NECAB1: variants seen among roughly 807,000 people sequenced by gnomAD.
NECAB1 encodes the protein N-terminal EF-hand calcium binding protein 1.
A neutral mutation model predicts 57.5 loss-of-function variants in NECAB1; 29 were observed. The ratio of observed to expected loss-of-function variants is 0.50; its 90% CI spans 0.38 to 0.69. The LOEUF (loss-of-function observed/expected upper bound fraction) is 0.69. Ranked by LOEUF, NECAB1 falls within the 30% of genes least tolerant of loss-of-function variation. NECAB1 has a pLI of 0.00. For synonymous variants in NECAB1, 142 were observed against 147.7 expected, an observed-to-expected ratio of 0.96 and a Z score of 0.28; for missense variants, 372 against 413.8, an observed-to-expected ratio of 0.90 and a Z score of 0.88.
chr8:90,858,473 AACTTCTTCAGCTAAAC>A (rs1812835824), intron 3 of NECAB1, among the ~76,000 whole-genome samples: 1 of 152,222 alleles, frequency 6.6e-6, no homozygotes, highest in African/African-American at 2.4e-5. Flanking sequence ...AAGGGTTTTG[AACTTCTTCAGCTAAAC>A]ACTTCCTCAT....
At chr8:90,940,102 C>T (rs1169866470) in intron 9 of NECAB1, 3 of 152,340 alleles carry the variant, frequency 2.0e-5, no homozygotes, top group Admixed American at 2.0e-4. Context: ...ACTACAATTG[C>T]TATAATGCTA....
At chr8:90,916,043 T>G (rs542638495) in intron 5 of NECAB1, among the ~76,000 whole-genome samples, 19 of 152,304 alleles carry the variant, frequency 1.2e-4, no homozygotes, top group African/African-American at 4.6e-4. Flanking sequence ...TTAATCTCCT[T>G]TGGCAACACC....
intron 5 of NECAB1, among the ~76,000 whole-genome samples, chr8:90,912,882 A>AT (rs1007877846): frequency 6.6e-5 from 10 of 151,582 alleles, no homozygotes; most frequent in East Asian, 1.9e-4. Flanking sequence ...TTGTAAAGTT[A>AT]TTTTTTTTTC....
intron 4 of NECAB1, among the ~76,000 whole-genome samples, chr8:90,878,618 C>T (rs1356982966): frequency 2.0e-5 from 3 of 152,096 alleles, no homozygotes; most frequent in African/African-American, 7.2e-5. Context: ...TAATTCTCTT[C>T]CTTCTCAGTC....
chr8:90,808,740 G>A (rs1226531268), intron 2 of NECAB1, among the ~76,000 whole-genome samples: 1 of 148,352 alleles, frequency 6.7e-6, no homozygotes, highest in Non-Finnish European at 1.5e-5. Flanking sequence ...CCACCTGCCG[G>A]GTTCAAGCAG....
chr8:90,864,740 T>C (rs1808477019), intron 3 of NECAB1, among the ~76,000 whole-genome samples: 1 of 152,196 alleles, frequency 6.6e-6, no homozygotes. Flanking sequence ...ACTGTTTTAC[T>C]GTAGATGGGA....
At chr8:90,872,002 A>G in intron 3 of NECAB1, 126 bp from the exon 4 acceptor site, 1 of 691,130 alleles carries the variant, frequency 1.4e-6, no homozygotes, top group South Asian at 2.0e-5. Context: ...TATAAGAGAA[A>G]TACCTTAACT....
intron 4 of NECAB1, among the ~76,000 whole-genome samples, chr8:90,876,718 T>C (rs748110263): frequency 1.3e-5 from 2 of 152,182 alleles, no homozygotes; most frequent in Non-Finnish European, 2.9e-5. Flanking sequence ...TCCATGAGAA[T>C]ATAGCCTGCT....
chr8:90,850,253 G>A (rs904586721), intron 3 of NECAB1, among the ~76,000 whole-genome samples: 3 of 152,288 alleles, frequency 2.0e-5, no homozygotes, highest in Admixed American at 1.3e-4. Context: ...TAAATGAAAT[G>A]ATTTAACACG....
At chr8:90,860,890 G>T (rs368025601) in intron 3 of NECAB1, among the ~76,000 whole-genome samples, 149 of 152,254 alleles carry the variant, frequency 9.8e-4, no homozygotes, top group South Asian at 7.1e-3. Flanking sequence ...TTAGGGTATT[G>T]TGAGGGAAGG....
intron 9 of NECAB1, among the ~76,000 whole-genome samples, chr8:90,934,597 A>G (rs529325763): frequency 6.6e-6 from 1 of 152,278 alleles, no homozygotes; most frequent in African/African-American, 2.4e-5. Context: ...ATACATGTAT[A>G]AATCAATGAG....
intron 2 of NECAB1, among the ~76,000 whole-genome samples, chr8:90,820,178 T>C (rs1229793760): frequency 6.6e-6 from 1 of 151,938 alleles, no homozygotes; most frequent in Non-Finnish European, 1.5e-5. Flanking sequence ...AGATTTGGGG[T>C]AGCAGTTTAC....
At chr8:90,859,323 G>A (rs1812852843) in intron 3 of NECAB1, 2 of 152,156 alleles carry the variant, frequency 1.3e-5, no homozygotes, top group Non-Finnish European at 2.9e-5. Context: ...TGTATCGAAA[G>A]CTATCCATTG....
intron 2 of NECAB1, among the ~76,000 whole-genome samples, chr8:90,824,007 AC>A (rs1463400426): frequency 6.9e-6 from 1 of 144,418 alleles, no homozygotes; most frequent in Non-Finnish European, 1.5e-5. Flanking sequence ...TGCTACTAAA[AC>A]CCCTCAGGCC....
At chr8:90,923,294 C>T (rs1810172803) in intron 6 of NECAB1, among the ~76,000 whole-genome samples, 1 of 152,182 alleles carries the variant, frequency 6.6e-6, no homozygotes, top group African/African-American at 2.4e-5. Context: ...ACAATACTAA[C>T]AAAGGAGATA....
At chr8:90,948,290 C>T (rs1262964663) in intron 10 of NECAB1, among the ~76,000 whole-genome samples, 1 of 152,112 alleles carries the variant, frequency 6.6e-6, no homozygotes, top group Non-Finnish European at 1.5e-5. Flanking sequence ...TTCCACCTTC[C>T]ATTTAATTCT....
intron 6 of NECAB1, among the ~76,000 whole-genome samples, chr8:90,920,919 G>A (rs1402869854): frequency 6.6e-6 from 1 of 152,224 alleles, no homozygotes; most frequent in Non-Finnish European, 1.5e-5. Context: ...AGCAGTTGGT[G>A]AGGACCCAGA....
chr8:90,813,854 G>T (rs1030583024), intron 2 of NECAB1, among the ~76,000 whole-genome samples: 1 of 152,174 alleles, frequency 6.6e-6, no homozygotes, highest in African/African-American at 2.4e-5. Context: ...TGTGAAGCTA[G>T]TGTACAGAGT....
At chr8:90,891,905 G>A (rs1218097073) in intron 5 of NECAB1, among the ~76,000 whole-genome samples, 1 of 151,978 alleles carries the variant, frequency 6.6e-6, no homozygotes, top group Non-Finnish European at 1.5e-5. Flanking sequence ...TATTGCCCAG[G>A]CTGGTCTCGA....
Sources: gnomAD v4.1 joint callset for allele counts (sites outside exome capture counted in the v4.1 genomes callset) on GRCh38, gnomAD v4.1.1 for gene constraint, MANE v1.5 for transcripts, NCBI Gene and HGNC (gene_info 2026-07-23, HGNC 2026-07-21) for gene names.